The following DTNB variants were observed in gnomAD, a reference collection of about 807,000 sequenced individuals.
The protein encoded by DTNB is dystrobrevin beta, also known as DTN-B.
A neutral mutation model predicts 90.7 loss-of-function variants in DTNB; 63 were observed. The ratio of observed to expected loss-of-function variants is 0.69; its 90% confidence interval spans 0.57 to 0.86. DTNB has a LOEUF of 0.86. DTNB is among the 40% of genes least tolerant of loss of function. DTNB has a pLI of 0.00. For missense variants in DTNB, 744 were observed against 807.1 expected (o/e 0.92, Z 0.95); for synonymous variants, 277 against 286.7 (o/e 0.97, Z 0.34).
At chr2:25,633,399 C>T (rs1028283440) in intron 3 of DTNB, among the ~76,000 whole-genome samples, 7 of 152,152 alleles carry the variant, frequency 4.6e-5, no homozygotes, top group African/African-American at 1.4e-4. Context: ...CTCCTAACCG[C>T]GAGTGATCCG....
chr2:25,669,701 C>G (rs947552022), intron 1 of DTNB, among the ~76,000 whole-genome samples: 1 of 152,158 alleles, frequency 6.6e-6, no homozygotes, highest in Admixed American at 6.5e-5. Flanking sequence ...AAGTCCACAA[C>G]CGGGCCAGGT....
intron 16 of DTNB, among the ~76,000 whole-genome samples, chr2:25,397,877 C>CAA (rs56318909): frequency 1.6e-3 from 113 of 72,798 alleles, no homozygotes; most frequent in Non-Finnish European, 2.3e-3. Context: ...AAGACTGTCT[C>CAA]AAAAAAAAAA....
intron 8 of DTNB, among the ~76,000 whole-genome samples, chr2:25,540,605 GAAAGGTGGGGA>G (rs2080987987): frequency 6.6e-6 from 1 of 152,188 alleles, no homozygotes; most frequent in African/African-American, 2.4e-5. Flanking sequence ...AGAAAAGGGG[GAAAGGTGGGGA>G]AAAGACTGAG....
At chr2:25,617,391 T>C (rs1269361685) in intron 4 of DTNB, among the ~76,000 whole-genome samples, 1 of 152,184 alleles carries the variant, frequency 6.6e-6, no homozygotes, top group African/African-American at 2.4e-5. Context: ...AATACATTCA[T>C]AAGTTAAGTA....
At chr2:25,512,602 T>C (rs1411713881) in intron 9 of DTNB, among the ~76,000 whole-genome samples, 2 of 152,140 alleles carry the variant, frequency 1.3e-5, no homozygotes, top group Non-Finnish European at 2.9e-5. Flanking sequence ...GATAAAACAA[T>C]AAGAGCTCAA....
At chr2:25,644,721 T>C (rs2079070861) in intron 2 of DTNB, among the ~76,000 whole-genome samples, 1 of 152,174 alleles carries the variant, frequency 6.6e-6, no homozygotes, top group South Asian at 2.1e-4. Context: ...ATTGTGCCAC[T>C]GCACTCCAGC....
intron 1 of DTNB, among the ~76,000 whole-genome samples, chr2:25,666,249 T>C (rs2084417057): frequency 6.6e-6 from 1 of 152,214 alleles, no homozygotes; most frequent in South Asian, 2.1e-4. Context: ...CTCAGAGAGA[T>C]CTGTCCTATT....
chr2:25,518,576 AAC>A (rs67622909), intron 9 of DTNB, among the ~76,000 whole-genome samples: 50,155 of 151,678 alleles, frequency 0.33, 8,554 homozygotes, highest in Middle Eastern at 0.42. Context: ...CCCTCACCCC[AAC>A]ACACACACAC....
intron 12 of DTNB, among the ~76,000 whole-genome samples, chr2:25,437,656 GAA>G (rs1360760544): frequency 6.6e-6 from 1 of 152,116 alleles, no homozygotes; most frequent in Non-Finnish European, 1.5e-5. Context: ...ACACTGAAGG[GAA>G]AAAGACGGGA....
intron 8 of DTNB, among the ~76,000 whole-genome samples, chr2:25,561,338 G>A (rs1349796616): frequency 6.6e-6 from 1 of 152,178 alleles, no homozygotes; most frequent in African/African-American, 2.4e-5. Flanking sequence ...AATGTGTGGT[G>A]GGAGTGAAAT....
At position 25,572,206 on chromosome 2, in the gene DTNB, G is replaced by A. The variant is rs897490793; in HGVS notation, c.876+4632C>T. 3.3e-5 allele frequency among the ~76,000 whole-genome samples: 5 copies of A among 152,036 alleles called. No homozygotes were observed. In the East Asian group the frequency reaches 5.8e-4, roughly 18 times the overall value. On this transcript the variant is annotated intron_variant, in intron 8 of 20. Transcript: ENST00000406818. ...CACCAGGCCGGGCGCGGTGGCTCAC[G>A]CCTGTAATCCCAGCACTTTGGGAGG...
At chr2:25,660,112 C>T in intron 1 of DTNB, among the ~76,000 whole-genome samples, 1 of 152,160 alleles carries the variant, frequency 6.6e-6, no homozygotes, top group Admixed American at 6.5e-5. Flanking sequence ...TTATGGTCAT[C>T]TGATTTTCAA....
chr2:25,644,786 T>A (rs368068852), intron 2 of DTNB, among the ~76,000 whole-genome samples: 1 of 151,926 alleles, frequency 6.6e-6, no homozygotes, highest in Non-Finnish European at 1.5e-5. Context: ...AAATAAGAAA[T>A]TTTTCAACAG....
intron 10 of DTNB, among the ~76,000 whole-genome samples, chr2:25,458,259 A>G (rs2060357865): frequency 2.0e-5 from 3 of 152,222 alleles, no homozygotes; most frequent in Admixed American, 2.0e-4. Context: ...AGAAATAACT[A>G]CAAAAACAGT....
At chr2:25,402,970 C>T (rs934888066) in intron 16 of DTNB, among the ~76,000 whole-genome samples, 2 of 152,140 alleles carry the variant, frequency 1.3e-5, no homozygotes, top group Non-Finnish European at 2.9e-5. Flanking sequence ...AAAGAACAAC[C>T]TATTAAAACT....
chr2:25,426,063 T>C (rs573005190), intron 15 of DTNB, among the ~76,000 whole-genome samples: 1 of 152,322 alleles, frequency 6.6e-6, no homozygotes, highest in Non-Finnish European at 1.5e-5. Flanking sequence ...ATGTATTTAG[T>C]TCCCCAGTAT....
chr2:25,611,717 T>C lies in DTNB; in HGVS notation c.363-4396A>G, dbSNP rs56026375. The stretch of plus-strand genomic sequence containing the variant: ...ATCTGGGAACTGTGGCGCATGCCTG[T>C]AGTACCAGCTACTCAGGAGGCTGAA... On this transcript the variant is annotated intron_variant, in intron 4 of 20. Coordinates refer to ENST00000406818, the MANE Select transcript of DTNB (RefSeq NM_021907.5). 1.9e-4 allele frequency among the ~76,000 whole-genome samples: 29 copies of C among 152,262 alleles called. 1 individual carries two copies. Among genetic ancestry groups the C allele is most frequent in the Non-Finnish European group, 3.8e-4 (26 of 68,024 alleles).
At chr2:25,648,335 G>GA (rs2079989683) in intron 2 of DTNB, among the ~76,000 whole-genome samples, 1 of 152,044 alleles carries the variant, frequency 6.6e-6, no homozygotes, top group Non-Finnish European at 1.5e-5. Context: ...GAGTCTACAA[G>GA]ATAAAATATT....
At chr2:25,602,904 C>CT (rs1455381555) in intron 5 of DTNB, among the ~76,000 whole-genome samples, 1 of 152,130 alleles carries the variant, frequency 6.6e-6, no homozygotes, top group Non-Finnish European at 1.5e-5. Flanking sequence ...CAAAATTTAA[C>CT]TGAGTTCTCA....
Sources: gnomAD v4.1 joint callset for allele counts (sites outside exome capture counted in the v4.1 genomes callset) on GRCh38, gnomAD v4.1.1 for gene constraint, MANE v1.5 for transcripts, NCBI Gene and HGNC (gene_info 2026-07-23, HGNC 2026-07-21) for gene names.